Variants in SP100 observed in about 807,000 individuals in gnomAD.
The protein encoded by SP100 is nuclear autoantigen Sp-100.
SP100 carries 84 observed loss-of-function variants against 130.0 expected under a neutral mutation model. The ratio of observed to expected loss-of-function variants is 0.65; its 90% CI spans 0.54 to 0.77. The LOEUF (loss-of-function observed/expected upper bound fraction) is 0.77, where lower values mean the gene tolerates loss of function less well. SP100 is among the 30% of genes least tolerant of loss of function. The probability of loss-of-function intolerance (pLI) is 0.00; values close to 1 mark genes in which losing one functional copy is unlikely to be tolerated. For synonymous variants in SP100, 331 were observed against 351.7 expected, an observed-to-expected ratio of 0.94 and a Z score of 0.66; for missense variants, 978 against 1,052.2, an observed-to-expected ratio of 0.93 and a Z score of 0.97.
intron 8 of SP100, among the ~76,000 whole-genome samples, chr2:230,454,606 G>T (rs769048728): frequency 6.6e-6 from 1 of 151,860 alleles, no homozygotes; most frequent in African/African-American, 2.4e-5. Context: ...AAAATTCCTC[G>T]TTATTGATTT....
intron 14 of SP100, chr2:230,469,373 C>A: frequency 1.9e-6 from 1 of 518,262 alleles, no homozygotes; most frequent in South Asian, 1.6e-5. Context: ...TCATTCAGGG[C>A]CCAGCTGATG....
At chr2:230,464,007 A>G in intron 10 of SP100, 60 bp from the exon 11 acceptor site, 1 of 1,145,258 alleles carries the variant, frequency 8.7e-7, no homozygotes, top group Non-Finnish European at 1.3e-6. Flanking sequence ...GGAATTTCCT[A>G]CTGAACTGAT....
At chr2:230,515,573 A>AG in intron 24 of SP100, 1 of 1,599,894 alleles carries the variant, frequency 6.3e-7, no homozygotes, top group Non-Finnish European at 8.5e-7. Context: ...AGCAAGAAAA[A>AG]GAAGGAAGAG....
chr2:230,496,899 AC>A (rs1298074411), intron 18 of SP100, among the ~76,000 whole-genome samples: 1 of 152,140 alleles, frequency 6.6e-6, no homozygotes, highest in African/African-American at 2.4e-5. Context: ...GACTCTTCAT[AC>A]CCTCTCAACA....
rs568324413 is a variant in SP100 at position 230,486,835 on chromosome 2, ATCTG to A, written c.1601-7579_1601-7576del. 5.0e-3 allele frequency among the ~76,000 whole-genome samples: 758 copies of A among 152,274 alleles called. 5 individuals carry two copies. Among genetic ancestry groups the A allele is most frequent in the African/African-American group, 0.017 (712 of 41,558 alleles). ...CCTATTTATTCACAGCCTCACCAGC[ATCTG>A]TTGTTTCTTGACTTTTTAATAATTG... On this transcript the variant is annotated intron_variant, in intron 17 of 28. Transcript: ENST00000340126.
At chr2:230,500,409 T>C (rs2066955016) in intron 19 of SP100, among the ~76,000 whole-genome samples, 1 of 152,222 alleles carries the variant, frequency 6.6e-6, no homozygotes, top group Admixed American at 6.5e-5. Context: ...AGCAGCGCAA[T>C]GAGCTTCTGG....
At chr2:230,425,515 A>G (rs528292991) in intron 2 of SP100, among the ~76,000 whole-genome samples, 1 of 152,358 alleles carries the variant, frequency 6.6e-6, no homozygotes, top group South Asian at 2.1e-4. Context: ...TAAAATGTTC[A>G]TATGATTTTT....
intron 17 of SP100, among the ~76,000 whole-genome samples, chr2:230,480,430 G>C (rs888739010): frequency 1.3e-5 from 2 of 152,214 alleles, no homozygotes; most frequent in African/African-American, 4.8e-5. Flanking sequence ...ATTTTTCATT[G>C]CTTGCTCTTT....
chr2:230,484,922 T>TATTGG (rs2150025599), intron 17 of SP100, among the ~76,000 whole-genome samples: 1 of 152,056 alleles, frequency 6.6e-6, no homozygotes, highest in South Asian at 2.1e-4. Context: ...TAAGGCTATT[T>TATTGG]ATTGGTTTGG....
intron 17 of SP100, among the ~76,000 whole-genome samples, chr2:230,488,482 C>T (rs955365959): frequency 1.3e-5 from 2 of 152,136 alleles, no homozygotes; most frequent in African/African-American, 2.4e-5. Flanking sequence ...GGCATGATCT[C>T]GGCTCACTGC....
At chr2:230,442,762 T>C (rs2063520337) in intron 2 of SP100, among the ~76,000 whole-genome samples, 175 bp from the exon 3 acceptor site, 1 of 152,240 alleles carries the variant, frequency 6.6e-6, no homozygotes, top group Non-Finnish European at 1.5e-5. Flanking sequence ...CCTCCATTTC[T>C]TCTATTACAT....
At position 230,506,384 on chromosome 2, in the gene SP100, C is replaced by T; in HGVS notation, c.1952C>T (p.Ala651Val). The change falls in exon 22 of 29, where the codon GCA becomes GTA. Residue 651 changes from alanine (A) to valine (V), a missense_variant. Coordinates refer to ENST00000340126, the MANE Select transcript of SP100 (RefSeq NM_001080391.2). ...REFEIEGDRG[A>V]SKNWKLSIRC... Reference sequence around the variant, plus strand: ...TTTGAAATTGAAGGAGACCGCGGAGCATCCAAGAACTGGAAGCTAAGTATA... The same window carrying T: ...TTTGAAATTGAAGGAGACCGCGGAGTATCCAAGAACTGGAAGCTAAGTATA... 1.2e-6 allele frequency: 2 copies of T among 1,613,876 alleles called. No homozygotes were observed. The highest frequency in any genetic ancestry group is 1.7e-6 in the Non-Finnish European group (2 of 1,179,804).
intron 24 of SP100, among the ~76,000 whole-genome samples, chr2:230,532,764 CTTTTAT>C (rs1036887150): frequency 1.3e-5 from 2 of 152,028 alleles, no homozygotes; most frequent in South Asian, 2.1e-4. Flanking sequence ...TGCTAGTGCT[CTTTTAT>C]TTTTATTTTT....
chr2:230,524,580 A>G (rs1691338817), intron 24 of SP100, among the ~76,000 whole-genome samples: 1 of 151,984 alleles, frequency 6.6e-6, no homozygotes, highest in Non-Finnish European at 1.5e-5. Context: ...TTAACAAGGA[A>G]ATGATGCATA....
At chr2:230,504,869 A>T (rs1258561719) in intron 21 of SP100, among the ~76,000 whole-genome samples, 1 of 152,212 alleles carries the variant, frequency 6.6e-6, no homozygotes, top group African/African-American at 2.4e-5. Flanking sequence ...CCCAGATTAC[A>T]CAACATTTTA....
chr2:230,491,498 G>C (rs2066387876), intron 17 of SP100, among the ~76,000 whole-genome samples: 7 of 152,214 alleles, frequency 4.6e-5, no homozygotes, highest in Admixed American at 4.6e-4. Context: ...TTGGGACCAA[G>C]CCATCCAGCC....
intron 2 of SP100, among the ~76,000 whole-genome samples, chr2:230,418,869 T>C (rs1052189326): frequency 6.6e-6 from 1 of 152,108 alleles, no homozygotes; most frequent in Non-Finnish European, 1.5e-5. Flanking sequence ...TCCCAGGAAC[T>C]CTTGACATCT....
At chr2:230,533,873 ATAAAAT>A (rs1359820199) in intron 24 of SP100, among the ~76,000 whole-genome samples, 4 of 152,368 alleles carry the variant, frequency 2.6e-5, no homozygotes, top group Admixed American at 2.0e-4. Context: ...AAACAAACTG[ATAAAAT>A]TAAAATTGTT....
chr2:230,511,636 T>C (rs1318581845), intron 24 of SP100, among the ~76,000 whole-genome samples: 1 of 145,278 alleles, frequency 6.9e-6, no homozygotes. Flanking sequence ...AGGTATGGAC[T>C]CTGTCATTAG....
Sources: allele counts gnomAD v4.1 joint callset (sites outside exome capture counted in the v4.1 genomes callset), GRCh38; gene constraint gnomAD v4.1.1; transcripts MANE v1.5; gene names NCBI Gene and HGNC (gene_info 2026-07-23, HGNC 2026-07-21).